Variants in BUB1 observed in about 807,000 individuals in gnomAD.
BUB1 encodes mitotic checkpoint serine/threonine-protein kinase BUB1.
A neutral mutation model predicts 135.2 loss-of-function variants in BUB1; 84 were observed. The ratio of observed to expected loss-of-function variants is 0.62; its 90% CI spans 0.52 to 0.74. The LOEUF (loss-of-function observed/expected upper bound fraction) is 0.74. Among genes scored for constraint, BUB1 ranks in the 30% least tolerant of loss-of-function variants. BUB1 has a pLI of 0.00. For synonymous variants in BUB1, 403 were observed against 434.4 expected (o/e 0.93, Z 0.90); for missense variants, 1,162 against 1,288.3 (o/e 0.90, Z 1.50).
chr2:110,673,221 T>C (rs1317469719), intron 3 of BUB1, among the ~76,000 whole-genome samples: 1 of 152,156 alleles, frequency 6.6e-6, no homozygotes, highest in Non-Finnish European at 1.5e-5. Context: ...CCACACACCT[T>C]CCCCAATACC....
intron 14 of BUB1, 35 bp downstream of exon 14, chr2:110,657,511 G>A (rs756366722): frequency 1.4e-5 from 21 of 1,506,558 alleles, no homozygotes; most frequent in South Asian, 1.2e-4. Context: ...GAGAAAACTC[G>A]GCAGCATCCC....
At chr2:110,671,125 T>C (rs1332272916) in intron 4 of BUB1, among the ~76,000 whole-genome samples, 1 of 152,210 alleles carries the variant, frequency 6.6e-6, no homozygotes, top group Admixed American at 6.5e-5. Context: ...GTGCACACTA[T>C]AAAGCAACCA....
chr2:110,657,503 G>A (rs767473362), intron 14 of BUB1, 43 bp downstream of exon 14: 1 of 1,465,472 alleles, frequency 6.8e-7, no homozygotes, highest in East Asian at 2.4e-5. Flanking sequence ...TGGTCCCAGA[G>A]AAAACTCGGC....
intron 6 of BUB1, among the ~76,000 whole-genome samples, chr2:110,668,051 T>C (rs1690313655): frequency 6.6e-6 from 1 of 152,194 alleles, no homozygotes; most frequent in Non-Finnish European, 1.5e-5. Context: ...CTTAATCTAA[T>C]CAAAGAAAGA....
chr2:110,677,905 G>C, intron 1 of BUB1, 65 bp downstream of exon 1: 1 of 1,553,092 alleles, frequency 6.4e-7, no homozygotes, highest in Non-Finnish European at 8.7e-7. Context: ...TCTGGGGCGG[G>C]CCGGGCCCGA....
chr2:110,668,338 A>G (rs1690321989), intron 6 of BUB1, among the ~76,000 whole-genome samples: 1 of 152,170 alleles, frequency 6.6e-6, no homozygotes, highest in African/African-American at 2.4e-5. Context: ...TGTGACTGCA[A>G]TCAAGACCCA....
intron 22 of BUB1, 48 bp from the exon 23 acceptor site, chr2:110,641,253 A>C (rs377467820): frequency 6.3e-7 from 1 of 1,585,160 alleles, no homozygotes; most frequent in African/African-American, 1.4e-5. Context: ...CAAATGATGA[A>C]AGGCTGCTAT....
At chr2:110,676,865 G>A (rs1690604257) in intron 1 of BUB1, among the ~76,000 whole-genome samples, 1 of 151,694 alleles carries the variant, frequency 6.6e-6, no homozygotes, top group East Asian at 1.9e-4. Context: ...AGGAGTTCTC[G>A]GTAAATACTG....
rs1360193581 is a variant in BUB1 at position 110,655,820 on chromosome 2, C to A, written c.1795G>T (p.Asp599Tyr). Residue 599 changes from aspartate (D) to tyrosine (Y), a missense_variant, in exon 16 of 25, where the codon GAC (aspartate) becomes TAC (tyrosine). By Grantham distance (160) the Asp-to-Tyr change is radical (BLOSUM62 -3). Coordinates refer to ENST00000302759, the MANE Select transcript of BUB1 (RefSeq NM_004336.5). ...TLAPSPKSPG[D>Y]FTSAAQLAST... ...GCAAGTTGTGCAGCAGATGTGAAGT[C>A]TCCTGGGCTCTTAGGACTGGGTGCC... is the stretch of plus-strand genomic sequence containing the variant. 1.2e-6 allele frequency: 2 copies of A among 1,613,982 alleles called. No homozygotes were observed. Among genetic ancestry groups the A allele is most frequent in the Non-Finnish European group, 1.7e-6 (2 of 1,179,916 alleles).
At chr2:110,669,781 C>T (rs1325974563) in intron 5 of BUB1, among the ~76,000 whole-genome samples, 1 of 152,128 alleles carries the variant, frequency 6.6e-6, no homozygotes, top group Non-Finnish European at 1.5e-5. Flanking sequence ...TAAAACCTAA[C>T]TAATAATTTT....
chr2:110,638,201 T>A (rs758757177), intron 24 of BUB1, 42 bp from the exon 25 acceptor site: 2 of 1,498,316 alleles, frequency 1.3e-6, no homozygotes, highest in East Asian at 4.7e-5. Flanking sequence ...AATGTAGCCT[T>A]CAATATGCAG....
chr2:110,644,823 A>T (rs1260548762), intron 19 of BUB1, among the ~76,000 whole-genome samples: 1 of 152,216 alleles, frequency 6.6e-6, no homozygotes, highest in Non-Finnish European at 1.5e-5. Context: ...ATTATCCTTC[A>T]AATGTGAAGA....
At chr2:110,655,618 T>G in intron 16 of BUB1, 121 bp downstream of exon 16, 1 of 991,240 alleles carries the variant, frequency 1.0e-6, no homozygotes, top group South Asian at 2.6e-5. Flanking sequence ...TTCTTCTTTA[T>G]GATTTTCAAA....
intron 9 of BUB1, among the ~76,000 whole-genome samples, chr2:110,663,378 A>G (rs915890161): frequency 1.3e-5 from 2 of 152,258 alleles, no homozygotes; most frequent in Non-Finnish European, 1.5e-5. Flanking sequence ...TGGATCTTGT[A>G]TATATGAAAA....
In BUB1 at chr2:110,661,781, G is replaced by A. The variant is rs895449290; in HGVS notation, c.1018C>T (p.Leu340Phe). 6.2e-7 allele frequency: 1 copy of A among 1,614,220 alleles called. No homozygotes were observed. The highest frequency in any genetic ancestry group is 8.5e-7 in the Non-Finnish European group (1 of 1,180,030). The change falls in exon 10 of 25, where the codon CTT becomes TTT. Residue 340 changes from leucine to phenylalanine, a missense_variant. Coordinates refer to ENST00000302759, the MANE Select transcript of BUB1 (RefSeq NM_004336.5). ...GGTGTCTGCTGATAGGTTACTGGAA[G>A]ACATGGCGCTCTCAGTTCCTGCTGG... ...GSQQELRAPC[L>F]PVTYQQTPVN...
In BUB1 at chr2:110,657,560, G is replaced by A; in HGVS notation, c.1602C>T (p.Asn534=). Residue 534 remains asparagine (N), a synonymous_variant, in exon 14 of 25, where the codon AAC becomes AAT. Coordinates refer to ENST00000302759, the MANE Select transcript of BUB1 (RefSeq NM_004336.5). ...TATTTTTTTACCCATAATTTTCTTT[G>A]TTTCCATCTTCAAACACATGAAAAG... is the stretch of plus-strand genomic sequence containing the variant. The part of the protein sequence containing the change: ...SSAFHVFEDG[N]KENYGLPQPK... The A allele has an allele frequency of 1.2e-6, 2 of 1,603,134 alleles. No homozygotes were observed. The highest frequency in any genetic ancestry group is 1.7e-6 in the Non-Finnish European group (2 of 1,174,942).
intron 17 of BUB1, among the ~76,000 whole-genome samples, chr2:110,653,206 C>G (rs1689828400): frequency 6.6e-6 from 1 of 152,168 alleles, no homozygotes; most frequent in Non-Finnish European, 1.5e-5. Context: ...CTGATGTTTT[C>G]TCATCAAGCA....
At chr2:110,639,873 T>G (rs191275100) in intron 23 of BUB1, 25 bp from the exon 24 acceptor site, 1 of 1,560,402 alleles carries the variant, frequency 6.4e-7, no homozygotes, top group South Asian at 1.1e-5. Flanking sequence ...GAGGTATATA[T>G]GACTTAAATA....
At chr2:110,657,256 G>T in intron 14 of BUB1, 139 bp from the exon 15 acceptor site, 1 of 678,926 alleles carries the variant, frequency 1.5e-6, no homozygotes, top group Non-Finnish European at 2.4e-6. Context: ...TTTTATAGCA[G>T]TTCTAGCAAA....
Sources: gnomAD v4.1 joint callset for allele counts (sites outside exome capture counted in the v4.1 genomes callset) on GRCh38, gnomAD v4.1.1 for gene constraint, MANE v1.5 for transcripts, NCBI Gene and HGNC (gene_info 2026-07-23, HGNC 2026-07-21) for gene names.